Variants in LAMA4 observed in about 807,000 individuals in gnomAD.
The protein encoded by LAMA4 is laminin subunit alpha-4.
A neutral mutation model predicts 207.1 loss-of-function variants in LAMA4; 127 were observed. The ratio of observed to expected loss-of-function variants is 0.61; its 90% CI spans 0.53 to 0.71. LAMA4 has a LOEUF of 0.71. LAMA4 is among the 30% of genes least tolerant of loss of function. LAMA4 has a pLI of 0.00. For missense variants in LAMA4, 2,093 were observed against 2,246.5 expected, an observed-to-expected ratio of 0.93 and a Z score of 1.38; for synonymous variants, 761 against 816.0, an observed-to-expected ratio of 0.93 and a Z score of 1.15.
At chr6:112,208,317 G>A (rs2115029281) in intron 3 of LAMA4, among the ~76,000 whole-genome samples, 1 of 152,238 alleles carries the variant, frequency 6.6e-6, no homozygotes, top group East Asian at 1.9e-4. Context: ...TGAACTCTGA[G>A]GTCCTTATTT....
intron 4 of LAMA4, among the ~76,000 whole-genome samples, chr6:112,202,268 TTC>T (rs1310278227): frequency 6.6e-6 from 1 of 152,186 alleles, no homozygotes; most frequent in African/African-American, 2.4e-5. Context: ...TCTCTCTTTC[TTC>T]TTCTTCCTTT....
At chr6:112,243,692 G>T (rs1276112941) in intron 2 of LAMA4, among the ~76,000 whole-genome samples, 1 of 152,142 alleles carries the variant, frequency 6.6e-6, no homozygotes, top group African/African-American at 2.4e-5. Flanking sequence ...GAGTAAAAGA[G>T]TAATAATATA....
intron 8 of LAMA4, among the ~76,000 whole-genome samples, 189 bp from the exon 9 acceptor site, chr6:112,185,536 G>A (rs529265521): frequency 2.0e-5 from 3 of 152,268 alleles, no homozygotes; most frequent in Non-Finnish European, 2.9e-5. Context: ...GGCCCTTAGG[G>A]GCTAAAATTC....
Position 112,254,184 on chromosome 6 carries a change from G to T in LAMA4, c.-34C>A. On this transcript the variant is annotated 5_prime_UTR_variant, in exon 2 of 39. Transcript: ENST00000230538. ...TGACATCCAGTAGTGCTCTTCCAGGGCTCGGGCGCTGTGGGTCTCCGTAGG... is the reference window on the plus strand; with the variant it reads ...TGACATCCAGTAGTGCTCTTCCAGGTCTCGGGCGCTGTGGGTCTCCGTAGG... 1.2e-6 allele frequency: 2 copies of T among 1,611,404 alleles called. No individual in the cohort carries two copies. Among genetic ancestry groups the T allele is most frequent in the Non-Finnish European group, 8.5e-7 (1 of 1,179,772 alleles).
At chr6:112,253,240 A>G (rs1787589721) in intron 2 of LAMA4, 1 of 162,588 alleles carries the variant, frequency 6.2e-6, no homozygotes, top group Admixed American at 5.9e-5. Flanking sequence ...TTCTTAAATC[A>G]CTTGTTCTGG....
At chr6:112,112,717 T>C (rs3777944) in intron 38 of LAMA4, among the ~76,000 whole-genome samples, 45,289 of 151,986 alleles carry the variant, frequency 0.3, 7,097 homozygotes, top group African/African-American at 0.41. Context: ...ACCGGGTTAC[T>C]ATTATTGTCA....
intron 2 of LAMA4, among the ~76,000 whole-genome samples, chr6:112,246,742 G>C (rs1554188753): frequency 6.6e-6 from 1 of 152,144 alleles, no homozygotes. Flanking sequence ...GGCTGGTCTT[G>C]AACTCCTGAC....
chr6:112,137,961 CT>C (rs202171710), intron 24 of LAMA4, among the ~76,000 whole-genome samples: 17 of 151,746 alleles, frequency 1.1e-4, no homozygotes, highest in African/African-American at 4.1e-4. Flanking sequence ...ACTTTTTCTC[CT>C]TTTTTTTGAG....
In LAMA4 at chr6:112,144,879, T is replaced by A. The variant is rs1554334155; in HGVS notation, c.2408A>T (p.Glu803Val). ...PQLLDQLRTV[E>V]QKRPASNVSA... ...AACGTTGCTTGCAGGTCGCTTCTGC[T>A]CAACCGTACGAAGCTGATCCAGGAG... Residue 803 changes from glutamate (E) to valine (V), a missense_variant, in exon 19 of 39, where the codon GAG becomes GTG. This residue lies in a region of LAMA4 where 1,704 missense variants were observed against 1,788.4 expected (regional missense o/e 0.95). Coordinates refer to ENST00000230538, the MANE Select transcript of LAMA4 (RefSeq NM_001105206.3). The A allele has an allele frequency of 6.2e-7, 1 of 1,613,898 alleles. No homozygotes were observed. The highest frequency in any genetic ancestry group is 1.3e-5 in the African/African-American group (1 of 74,930).
chr6:112,215,287 CA>C (rs1433449742), intron 3 of LAMA4, among the ~76,000 whole-genome samples: 1 of 152,158 alleles, frequency 6.6e-6, no homozygotes, highest in Non-Finnish European at 1.5e-5. Context: ...GAGATAGCAA[CA>C]TTAGTATTTT....
intron 2 of LAMA4, among the ~76,000 whole-genome samples, chr6:112,247,537 C>T (rs1787072846): frequency 6.6e-6 from 1 of 152,108 alleles, no homozygotes; most frequent in South Asian, 2.1e-4. Flanking sequence ...AAAACAAAAC[C>T]AGAAGACCTG....
intron 14 of LAMA4, among the ~76,000 whole-genome samples, chr6:112,158,504 A>G (rs897110981): frequency 1.3e-5 from 2 of 152,066 alleles, no homozygotes; most frequent in African/African-American, 2.4e-5. Flanking sequence ...GCTCCCCCAA[A>G]CAATTGCAAT....
chr6:112,153,761 A>C (rs182885922), intron 16 of LAMA4, among the ~76,000 whole-genome samples: 17 of 152,282 alleles, frequency 1.1e-4, no homozygotes, highest in South Asian at 8.3e-4. Context: ...TCTAATCCAT[A>C]GAGTATGTTC....
At chr6:112,124,654 T>C (rs1778572587) in intron 31 of LAMA4, among the ~76,000 whole-genome samples, 1 of 152,130 alleles carries the variant, frequency 6.6e-6, no homozygotes, top group Non-Finnish European at 1.5e-5. Context: ...ATCCTACTGA[T>C]AGTACTAGTT....
intron 10 of LAMA4, 136 bp from the exon 11 acceptor site, chr6:112,175,616 G>A: frequency 1.2e-6 from 1 of 853,000 alleles, no homozygotes; most frequent in South Asian, 1.4e-5. Flanking sequence ...AAAGCAGCGT[G>A]CTAGTGTTCA....
intron 2 of LAMA4, among the ~76,000 whole-genome samples, chr6:112,222,334 A>AT (rs1784969162): frequency 6.6e-6 from 1 of 152,134 alleles, no homozygotes; most frequent in Non-Finnish European, 1.5e-5. Context: ...GTTCAAAGGC[A>AT]TTTTTTTCTT....
At chr6:112,236,341 C>G (rs1346517504) in intron 2 of LAMA4, 1 of 152,214 alleles carries the variant, frequency 6.6e-6, no homozygotes, top group Non-Finnish European at 1.5e-5. Flanking sequence ...CATTTCCATG[C>G]TTTCATAAAT....
chr6:112,186,192 C>T (rs1167772152), intron 8 of LAMA4, among the ~76,000 whole-genome samples: 1 of 152,168 alleles, frequency 6.6e-6, no homozygotes, highest in African/African-American at 2.4e-5. Context: ...AACTTCTGTA[C>T]ATATATCAAT....
intron 2 of LAMA4, among the ~76,000 whole-genome samples, chr6:112,217,425 G>T (rs575737765): frequency 6.6e-6 from 1 of 152,230 alleles, no homozygotes; most frequent in East Asian, 1.9e-4. Flanking sequence ...AATCTGCTTT[G>T]TTTCCACAGA....
Sources: gnomAD v4.1 joint callset for allele counts (sites outside exome capture counted in the v4.1 genomes callset) on GRCh38, gnomAD v4.1.1 for gene constraint, gnomAD v4.1.1 regional missense constraint, MANE v1.5 for transcripts, NCBI Gene and HGNC (gene_info 2026-07-23, HGNC 2026-07-21) for gene names.